The following RNF144B variants were observed in gnomAD, a reference collection of about 807,000 sequenced individuals.
RNF144B encodes the protein ring finger protein 144B.
Under a neutral mutation model 40.2 loss-of-function variants are expected in RNF144B, and 25 were observed. That is an observed-to-expected ratio of 0.62 (90% CI 0.45 to 0.87). The LOEUF (loss-of-function observed/expected upper bound fraction) is 0.87. Among genes scored for constraint, RNF144B ranks in the 40% least tolerant of loss-of-function variants. The pLI is 0.00. For synonymous variants in RNF144B, 145 were observed against 136.3 expected, an observed-to-expected ratio of 1.06 and a Z score of -0.44; for missense variants, 365 against 373.7, an observed-to-expected ratio of 0.98 and a Z score of 0.19.
Position 18,425,618 on chromosome 6 carries a change from A to G in RNF144B, c.166-1963A>G, listed in dbSNP as rs1266535058. 6.6e-6 allele frequency among the ~76,000 whole-genome samples: 1 copy of G among 152,172 alleles called. No homozygotes were observed. The highest frequency in any genetic ancestry group is 1.5e-5 in the Non-Finnish European group (1 of 68,034). On this transcript the variant is annotated intron_variant, in intron 2 of 7. Coordinates refer to ENST00000259939, the MANE Select transcript of RNF144B (RefSeq NM_182757.4). This position sits in a 1 kb window ranked among gnomAD's most constrained non-coding sequence, Gnocchi z 4.2. The stretch of plus-strand genomic sequence containing the variant: ...AAGTGATTTTTCACCCTTCTGTTGA[A>G]CAAGGAAGTCAGGGTTAAAACACAG...
intron 2 of RNF144B, among the ~76,000 whole-genome samples, chr6:18,421,518 C>T (rs1360277406): frequency 6.6e-6 from 1 of 151,940 alleles, no homozygotes; most frequent in Non-Finnish European, 1.5e-5. Context: ...TTCACTGGGC[C>T]CAGATTCTTC....
intron 2 of RNF144B, among the ~76,000 whole-genome samples, chr6:18,409,908 G>A (rs552634430): frequency 9.9e-5 from 15 of 152,224 alleles, no homozygotes; most frequent in African/African-American, 3.6e-4. Flanking sequence ...GGCGTAACAA[G>A]TACTTTAGGC....
rs200087419 is a variant in RNF144B at position 18,457,930 on chromosome 6, G to GT, written c.536+580dup. Among the ~76,000 whole-genome samples, 5,376 of 151,152 alleles carry GT rather than the reference G, an allele frequency of 0.036. 177 individuals carry two copies. The highest frequency in any genetic ancestry group is 0.089 in the African/African-American group (3,658 of 41,164). ...AATCTGTACCTTTTTAGTACAGCGG[G>GT]TTTTTTTTTGTTTTGTTTTGTTTTT... On this transcript the variant is annotated intron_variant, in intron 5 of 7. Transcript: ENST00000259939. The surrounding 1 kb of genome is among the most constrained non-coding windows in gnomAD (Gnocchi z 5.1).
rs941230328 is a variant in RNF144B at position 18,422,555 on chromosome 6, C to T, written c.166-5026C>T. On this transcript the variant is annotated intron_variant, in intron 2 of 7. Transcript: ENST00000259939. This position sits in a 1 kb window ranked among gnomAD's most constrained non-coding sequence, Gnocchi z 4.7. The stretch of plus-strand genomic sequence containing the variant: ...GAGCTATGGATGAGAAAACCTAGGT[C>T]AATAGTTCACCAACTCACCTTCAAG... Among the ~76,000 whole-genome samples, 1 of 152,066 alleles carries T rather than the reference C, an allele frequency of 6.6e-6. No individual in the cohort carries two copies. Among genetic ancestry groups the T allele is most frequent in the African/African-American group, 2.4e-5 (1 of 41,368 alleles).
At chr6:18,449,107 G>A (rs1043452737) in intron 4 of RNF144B, among the ~76,000 whole-genome samples, 10 of 152,184 alleles carry the variant, frequency 6.6e-5, no homozygotes, top group African/African-American at 2.2e-4. Flanking sequence ...AACCCTAGCT[G>A]GGTTCAGTGA....
Position 18,443,546 on chromosome 6 carries a change from C to G in RNF144B, c.331+3802C>G, listed in dbSNP as rs996686195. Among the ~76,000 whole-genome samples, 2 of 152,160 alleles carry G rather than the reference C, an allele frequency of 1.3e-5. No individual in the cohort carries two copies. Among genetic ancestry groups the G allele is most frequent in the Non-Finnish European group, 2.9e-5 (2 of 68,040 alleles). On this transcript the variant is annotated intron_variant, in intron 4 of 7. Coordinates refer to ENST00000259939, the MANE Select transcript of RNF144B (RefSeq NM_182757.4). This position sits in a 1 kb window ranked among gnomAD's most constrained non-coding sequence, Gnocchi z 4.7. ...AAAGTTCTGGGATTACAGGTGTGAGCTACCGTGCCCGGCCTCTTAGGTGAT... is the reference window on the plus strand; with the variant it reads ...AAAGTTCTGGGATTACAGGTGTGAGGTACCGTGCCCGGCCTCTTAGGTGAT...
rs1759596912 is a variant in RNF144B, at chr6:18,467,430, TG to T, written c.*2365del. 1 of 93,952 alleles carries T rather than the reference TG, an allele frequency of 1.1e-5. No homozygotes were observed. The highest frequency in any genetic ancestry group is 2.1e-5 in the Non-Finnish European group (1 of 48,404). The allele number at this position is 93,952 out of a possible 1,614,324, so 5.8% of individuals were successfully genotyped here. ...TTTTTTTTTTTTTTTGCCAGGGCTA[TG>T]GAGTGGGGGTTGTTTGTCAAACTGA... On this transcript the variant is annotated 3_prime_UTR_variant, in exon 8 of 8. Coordinates refer to ENST00000259939, the MANE Select transcript of RNF144B (RefSeq NM_182757.4).
rs1023141276 is a variant in RNF144B at position 18,419,443 on chromosome 6, G to C, written c.166-8138G>C. 3.3e-5 allele frequency among the ~76,000 whole-genome samples: 5 copies of C among 152,146 alleles called. No homozygotes were observed. Among genetic ancestry groups the C allele is most frequent in the African/African-American group, 1.2e-4 (5 of 41,436 alleles). ...TGAGGCGACCCAGGAAGAAAGTGTA[G>C]AAAGAAGAGAGTTTAGGTCCTTTCC... On this transcript the variant is annotated intron_variant, in intron 2 of 7. Coordinates refer to ENST00000259939, the MANE Select transcript of RNF144B (RefSeq NM_182757.4). The surrounding 1 kb of genome is among the most constrained non-coding windows in gnomAD (Gnocchi z 4.6).
At chr6:18,432,426 T>C (rs925498630) in intron 3 of RNF144B, among the ~76,000 whole-genome samples, 1 of 152,254 alleles carries the variant, frequency 6.6e-6, no homozygotes, top group Non-Finnish European at 1.5e-5. Flanking sequence ...CTTTCCTCTA[T>C]TGCATCATCT....
intron 1 of RNF144B, among the ~76,000 whole-genome samples, chr6:18,393,033 A>G (rs919966312): frequency 1.3e-5 from 2 of 151,588 alleles, no homozygotes; most frequent in African/African-American, 4.9e-5. Context: ...AGGCAGGAGA[A>G]TGGTGTGAAC....
chr6:18,414,230 A>G lies in RNF144B; in HGVS notation c.166-13351A>G, dbSNP rs1181920919. On this transcript the variant is annotated intron_variant, in intron 2 of 7. Coordinates refer to ENST00000259939, the MANE Select transcript of RNF144B (RefSeq NM_182757.4). The surrounding 1 kb of genome is among the most constrained non-coding windows in gnomAD (Gnocchi z 4.9). ...ACCTAGTCATTGTCCAACCTTTTCT[A>G]CTTTTTCAGAGTTCAGTTCTCTTAA... Among the ~76,000 whole-genome samples, 1 of 152,178 alleles carries G rather than the reference A, an allele frequency of 6.6e-6. No individual in the cohort carries two copies.
chr6:18,435,661 C>T (rs1758800057), intron 3 of RNF144B, among the ~76,000 whole-genome samples: 1 of 152,076 alleles, frequency 6.6e-6, no homozygotes, highest in African/African-American at 2.4e-5. Context: ...ACCACCTTAA[C>T]CACATTAAAA....
At chr6:18,387,836 A>G (rs2113445882) in intron 1 of RNF144B, among the ~76,000 whole-genome samples, 1 of 152,362 alleles carries the variant, frequency 6.6e-6, no homozygotes, top group East Asian at 1.9e-4. Context: ...GTTAAAGGAA[A>G]GTAGTTTCAT....
intron 3 of RNF144B, among the ~76,000 whole-genome samples, chr6:18,433,175 T>A (rs1427638615): frequency 6.6e-6 from 1 of 152,186 alleles, no homozygotes; most frequent in African/African-American, 2.4e-5. Flanking sequence ...GGTGGGAAGC[T>A]AGGGCAAAGG....
intron 1 of RNF144B, among the ~76,000 whole-genome samples, chr6:18,397,393 T>C (rs1158866257): frequency 1.3e-5 from 2 of 152,186 alleles, no homozygotes; most frequent in Non-Finnish European, 1.5e-5. Flanking sequence ...ATTATTTCTA[T>C]GGCAGAATTT....
chr6:18,451,628 G>C (rs978636146), intron 4 of RNF144B, among the ~76,000 whole-genome samples: 1 of 152,196 alleles, frequency 6.6e-6, no homozygotes, highest in South Asian at 2.1e-4. Context: ...TGTGACTATA[G>C]AGGGATGTCA....
chr6:18,457,213 C>T lies in RNF144B; in HGVS notation c.390C>T (p.Cys130=), dbSNP rs1562059531. 4.3e-6 allele frequency: 7 copies of T among 1,614,070 alleles called. No homozygotes were observed. Among genetic ancestry groups the T allele is most frequent in the African/African-American group, 1.3e-5 (1 of 75,028 alleles). ...CTGTTGCAGACTGTCAGACAGTGTGCCCTGTTGCCTCGAGTGACCCAGGAC... is the reference window on the plus strand; with the variant it reads ...CTGTTGCAGACTGTCAGACAGTGTGTCCTGTTGCCTCGAGTGACCCAGGAC... ...WCPVADCQTV[C]PVASSDPGQP... The change falls in exon 5 of 8, where the codon TGC becomes TGT. Residue 130 remains cysteine (C), a synonymous_variant. Coordinates refer to ENST00000259939, the MANE Select transcript of RNF144B (RefSeq NM_182757.4). The surrounding 1 kb of genome is among the most constrained non-coding windows in gnomAD (Gnocchi z 5.1).
Position 18,416,225 on chromosome 6 carries a change from T to C in RNF144B, c.166-11356T>C, listed in dbSNP as rs1432102029. On this transcript the variant is annotated intron_variant, in intron 2 of 7. Coordinates refer to ENST00000259939, the MANE Select transcript of RNF144B (RefSeq NM_182757.4). The surrounding 1 kb of genome is among the most constrained non-coding windows in gnomAD (Gnocchi z 5.5). ...ATTAGTATAAAAAGTGGGGCCTCCT[T>C]CTGTTAAGAAAGGCAGCACAAGTGG... 1.3e-5 allele frequency among the ~76,000 whole-genome samples: 2 copies of C among 152,154 alleles called. No homozygotes were observed. The highest frequency in any genetic ancestry group is 3.8e-4 in the East Asian group (2 of 5,196).
rs1453125053 is a variant in RNF144B, at chr6:18,456,299, A to G, written c.332-856A>G. 6.6e-6 allele frequency among the ~76,000 whole-genome samples: 1 copy of G among 152,198 alleles called. No individual in the cohort carries two copies. The highest frequency in any genetic ancestry group is 1.5e-5 in the Non-Finnish European group (1 of 68,036). Reference sequence around the variant, plus strand: ...GAATATCCAAACTGACAGGTAATCCAACTTCTTGGCTAAGCCACACCAGAT... The same window carrying G: ...GAATATCCAAACTGACAGGTAATCCGACTTCTTGGCTAAGCCACACCAGAT... On this transcript the variant is annotated intron_variant, in intron 4 of 7. Transcript: ENST00000259939. This position sits in a 1 kb window ranked among gnomAD's most constrained non-coding sequence, Gnocchi z 4.7.
Sources: allele counts gnomAD v4.1 joint callset (sites outside exome capture counted in the v4.1 genomes callset), GRCh38; gene constraint gnomAD v4.1.1; non-coding constraint Gnocchi (gnomAD v3.1); transcripts MANE v1.5; gene names NCBI Gene and HGNC (gene_info 2026-07-23, HGNC 2026-07-21).